The following EMCN variants were observed in gnomAD, a reference collection of about 807,000 sequenced individuals.
The protein encoded by EMCN is endomucin, also known as MUC-14.
In EMCN, 37 loss-of-function variants were observed where a neutral mutation model predicts 38.4. The ratio of observed to expected loss-of-function variants is 0.96; its 90% CI spans 0.74 to 1.27. The LOEUF (loss-of-function observed/expected upper bound fraction) is 1.27. Ranked by LOEUF, EMCN falls within the 50% of genes most tolerant of loss-of-function variation. The pLI is 0.00. For synonymous variants in EMCN, 95 were observed against 100.8 expected, an observed-to-expected ratio of 0.94 and a Z score of 0.35; for missense variants, 318 against 302.8, an observed-to-expected ratio of 1.05 and a Z score of -0.37.
intron 1 of EMCN, 62 bp from the exon 2 acceptor site, chr4:100,480,101 A>C: frequency 1.4e-6 from 2 of 1,435,586 alleles, no homozygotes; most frequent in South Asian, 1.2e-5. Context: ...ATAGACTAGT[A>C]TATTTAAACA....
chr4:100,474,239 A>G (rs1728573596), intron 3 of EMCN, among the ~76,000 whole-genome samples: 1 of 152,220 alleles, frequency 6.6e-6, no homozygotes, highest in Admixed American at 6.5e-5. Context: ...GACAATACAC[A>G]AATGGCTACC....
At chr4:100,427,521 A>G (rs1229381991) in intron 5 of EMCN, among the ~76,000 whole-genome samples, 2 of 149,636 alleles carry the variant, frequency 1.3e-5, no homozygotes, top group Admixed American at 6.7e-5. Context: ...TCCTGACCTC[A>G]AGTGATCTTC....
intron 4 of EMCN, among the ~76,000 whole-genome samples, chr4:100,459,533 T>C (rs1361192484): frequency 6.6e-6 from 1 of 152,134 alleles, no homozygotes; most frequent in African/African-American, 2.4e-5. Context: ...CCTGTCTAAC[T>C]GAAATTTTGT....
chr4:100,424,940 T>C (rs2110221241), intron 5 of EMCN, among the ~76,000 whole-genome samples: 1 of 152,194 alleles, frequency 6.6e-6, no homozygotes, highest in Admixed American at 6.6e-5. Context: ...GATTGTAATG[T>C]GTCTGGGTCA....
At chr4:100,410,146 A>G in intron 11 of EMCN, 136 bp downstream of exon 11, 3 of 659,246 alleles carry the variant, frequency 4.6e-6, no homozygotes, top group South Asian at 1.9e-5. Context: ...TTTTAGACAA[A>G]TAGACAATGA....
chr4:100,398,300 G>A lies in EMCN; in HGVS notation c.*113C>T, dbSNP rs946734846. 6.6e-6 allele frequency: 1 copy of A among 152,124 alleles called. No homozygotes were observed. Among genetic ancestry groups the A allele is most frequent in the African/African-American group, 2.4e-5 (1 of 41,406 alleles). The allele number at this position is 152,124 out of a possible 1,614,324, so 9.4% of individuals were successfully genotyped here. On this transcript the variant is annotated 3_prime_UTR_variant, in exon 12 of 12. Transcript: ENST00000296420. Reference sequence around the variant, plus strand: ...GACGTCTGGTACAGTCCAGCAGCAGGTATGGAAGTCGGGATTGATTCTGCA... The same window carrying A: ...GACGTCTGGTACAGTCCAGCAGCAGATATGGAAGTCGGGATTGATTCTGCA...
At chr4:100,489,099 T>C (rs560176961) in intron 1 of EMCN, among the ~76,000 whole-genome samples, 1 of 152,310 alleles carries the variant, frequency 6.6e-6, no homozygotes, top group Non-Finnish European at 1.5e-5. Context: ...AATTTTGACT[T>C]TTGAAGATGC....
At chr4:100,461,283 C>G (rs1420675992) in intron 4 of EMCN, among the ~76,000 whole-genome samples, 1 of 152,070 alleles carries the variant, frequency 6.6e-6, no homozygotes, top group Non-Finnish European at 1.5e-5. Flanking sequence ...CTTTGAACAC[C>G]TTATGAAAAT....
chr4:100,454,768 T>C (rs1044648037), intron 4 of EMCN, among the ~76,000 whole-genome samples: 3 of 152,178 alleles, frequency 2.0e-5, no homozygotes, highest in Admixed American at 2.0e-4. Flanking sequence ...TGTCTTGTAC[T>C]TTCTTTAAGA....
chr4:100,447,026 C>T (rs1220150200), intron 5 of EMCN, among the ~76,000 whole-genome samples: 1 of 152,132 alleles, frequency 6.6e-6, no homozygotes, highest in African/African-American at 2.4e-5. Flanking sequence ...CTTCCCCTGC[C>T]CAACGATCTT....
chr4:100,479,415 T>C (rs946331388), intron 2 of EMCN, among the ~76,000 whole-genome samples: 1 of 152,064 alleles, frequency 6.6e-6, no homozygotes. Flanking sequence ...TTGTGGATGG[T>C]AAAGTAATCT....
intron 5 of EMCN, among the ~76,000 whole-genome samples, chr4:100,427,201 C>A (rs1727072107): frequency 6.6e-6 from 1 of 152,082 alleles, no homozygotes; most frequent in African/African-American, 2.4e-5. Flanking sequence ...ATAGAGCAGA[C>A]TATTGATATT....
intron 3 of EMCN, among the ~76,000 whole-genome samples, chr4:100,467,784 A>C (rs1317993202): frequency 6.6e-6 from 1 of 152,204 alleles, no homozygotes; most frequent in East Asian, 1.9e-4. Context: ...GTTTATTCCA[A>C]ACTACTGCCA....
intron 2 of EMCN, 145 bp downstream of exon 2, chr4:100,479,772 C>T (rs938597923): frequency 1.5e-6 from 1 of 649,352 alleles, no homozygotes; most frequent in South Asian, 2.6e-5. Context: ...CCCCAAATAA[C>T]ACATAATTTC....
chr4:100,411,116 T>A (rs1726540423), intron 10 of EMCN, among the ~76,000 whole-genome samples: 1 of 152,194 alleles, frequency 6.6e-6, no homozygotes, highest in African/African-American at 2.4e-5. Flanking sequence ...AGGAAATCTG[T>A]CCTTTCGGGA....
intron 4 of EMCN, among the ~76,000 whole-genome samples, chr4:100,457,895 G>T (rs1052791036): frequency 1.3e-5 from 2 of 152,072 alleles, no homozygotes; most frequent in African/African-American, 4.8e-5. Context: ...CAGGTGGGTG[G>T]ATCATGAGAT....
chr4:100,415,855 A>G (rs201692860), intron 10 of EMCN, 43 bp downstream of exon 10: 66 of 1,366,450 alleles, frequency 4.8e-5, no homozygotes, highest in Non-Finnish European at 5.1e-6. Context: ...GTTAGATTCT[A>G]AAATAACTAA....
rs763773708 is a variant in EMCN at position 100,433,996 on chromosome 4, G to C, written c.416-10592C>G. On this transcript the variant is annotated intron_variant, in intron 5 of 11. Coordinates refer to ENST00000296420, the MANE Select transcript of EMCN (RefSeq NM_016242.4). ...GAACCAAAAGCAAACAAACCCCAAA[G>C]CTGGCAGAAGACAAGAAATAACCAA... Among the ~76,000 whole-genome samples, 14 of 152,158 alleles carry C rather than the reference G, an allele frequency of 9.2e-5. No homozygotes were observed. In the Middle Eastern group the frequency reaches 0.017, roughly 185 times the overall value.
chr4:100,502,702 C>T (rs926706077), intron 1 of EMCN, among the ~76,000 whole-genome samples: 10 of 152,130 alleles, frequency 6.6e-5, no homozygotes, highest in Non-Finnish European at 1.0e-4. Context: ...CTATTATTCA[C>T]GATGATTGCT....
Sources: allele counts gnomAD v4.1 joint callset (sites outside exome capture counted in the v4.1 genomes callset), GRCh38; gene constraint gnomAD v4.1.1; transcripts MANE v1.5; gene names NCBI Gene and HGNC (gene_info 2026-07-23, HGNC 2026-07-21).